The following PRELID2 variants were observed in gnomAD, a reference collection of about 807,000 sequenced individuals.
PRELID2 encodes PRELI domain-containing protein 2.
Under a neutral mutation model 28.4 loss-of-function variants are expected in PRELID2, and 25 were observed. That is an observed-to-expected ratio of 0.88 (90% CI 0.64 to 1.23). The LOEUF (loss-of-function observed/expected upper bound fraction) is 1.23, where lower values mean the gene tolerates loss of function less well. Among genes scored for constraint, PRELID2 ranks in the 50% most tolerant of loss-of-function variants. The pLI is 0.00. For synonymous variants in PRELID2, 76 were observed against 71.6 expected (o/e 1.06, Z -0.31); for missense variants, 201 against 214.4 (o/e 0.94, Z 0.39).
At chr5:145,628,284 C>T (rs1753880256) in intron 1 of PRELID2, among the ~76,000 whole-genome samples, 1 of 152,062 alleles carries the variant, frequency 6.6e-6, no homozygotes, top group South Asian at 2.1e-4. Flanking sequence ...TTATTGAATG[C>T]TTTCTGGAGA....
At chr5:145,713,368 ATACTT>A (rs1395826966) in intron 1 of PRELID2, among the ~76,000 whole-genome samples, 1 of 143,448 alleles carries the variant, frequency 7.0e-6, no homozygotes, top group East Asian at 2.1e-4. Context: ...ATATATATAT[ATACTT>A]TACATTATAT....
chr5:145,303,727 T>A, the PRELID2 span, among the ~76,000 whole-genome samples: 1 of 152,212 alleles, frequency 6.6e-6, no homozygotes, highest in African/African-American at 2.4e-5. Context: ...TTCCACTGAT[T>A]GCAAAAAGTA....
the PRELID2 span, among the ~76,000 whole-genome samples, chr5:145,313,711 G>A: frequency 1.6e-4 from 24 of 152,118 alleles, no homozygotes; most frequent in Non-Finnish European, 3.1e-4. Context: ...GGTATTCTGA[G>A]GAATGTTTCT....
the PRELID2 span, among the ~76,000 whole-genome samples, chr5:145,401,352 G>A: frequency 2.6e-5 from 4 of 152,014 alleles, no homozygotes; most frequent in East Asian, 5.8e-4. Context: ...AAGAAGGAGA[G>A]TATGGAATTT....
chr5:145,647,777 C>G (rs1561530952), intron 1 of PRELID2, among the ~76,000 whole-genome samples: 1 of 152,120 alleles, frequency 6.6e-6, no homozygotes, highest in Non-Finnish European at 1.5e-5. Flanking sequence ...CATGGCTTCC[C>G]CTGGGTAGGG....
intron 1 of PRELID2, among the ~76,000 whole-genome samples, chr5:145,603,124 C>A (rs953060404): frequency 1.0e-4 from 15 of 150,586 alleles, no homozygotes; most frequent in Admixed American, 1.3e-4. Context: ...GAAGACCTCA[C>A]ATACATGTAA....
chr5:145,440,785 A>G, the PRELID2 span: 18 of 152,066 alleles, frequency 1.2e-4, no homozygotes, highest in African/African-American at 4.3e-4. Context: ...CTGGATCTGT[A>G]TCAATTATGT....
At chr5:145,781,119 A>AAG (rs1751553629) in intron 5 of PRELID2, among the ~76,000 whole-genome samples, 1 of 152,168 alleles carries the variant, frequency 6.6e-6, no homozygotes, top group African/African-American at 2.4e-5. Context: ...GGGTGGCTAC[A>AAG]ACCAAAGGGG....
chr5:145,650,541 T>C (rs1401807325), intron 1 of PRELID2, among the ~76,000 whole-genome samples: 6 of 106,050 alleles, frequency 5.7e-5, no homozygotes, highest in African/African-American at 1.2e-4. Context: ...CATATATATA[T>C]ATATATATAT....
chr5:145,428,531 G>A, the PRELID2 span, among the ~76,000 whole-genome samples: 1 of 152,142 alleles, frequency 6.6e-6, no homozygotes, highest in Admixed American at 6.5e-5. Context: ...GGCTGGAAGG[G>A]CTACGGAGAA....
intron 1 of PRELID2, among the ~76,000 whole-genome samples, chr5:145,689,067 G>GC (rs1755093203): frequency 2.0e-5 from 3 of 152,154 alleles, no homozygotes; most frequent in Admixed American, 2.0e-4. Flanking sequence ...TACTTCAATG[G>GC]CTGGGAAAAC....
chr5:145,327,071 AAAAATCACAGTACTATTCTGCTATTG>A, the PRELID2 span, among the ~76,000 whole-genome samples: 1 of 151,860 alleles, frequency 6.6e-6, no homozygotes, highest in Non-Finnish European at 1.5e-5. Flanking sequence ...CTAAAATCGT[AAAAATCACAGTACTATTCTGCTATTG>A]TTGGAAGAAA....
At chr5:145,277,594 G>T in the PRELID2 span, among the ~76,000 whole-genome samples, 1 of 152,150 alleles carries the variant, frequency 6.6e-6, no homozygotes, top group Non-Finnish European at 1.5e-5. Context: ...ACACTGTCAT[G>T]GATTCCTAGC....
chr5:145,835,072 G>T (rs1470489669), intron 1 of PRELID2, 105 bp downstream of exon 1: 3 of 760,858 alleles, frequency 3.9e-6, no homozygotes, highest in East Asian at 2.8e-5. Context: ...GCCCGCAGCT[G>T]GAAAGAGACA....
At chr5:145,229,896 C>T in the PRELID2 span, 1 of 750,304 alleles carries the variant, frequency 1.3e-6, no homozygotes, top group East Asian at 2.5e-5. Flanking sequence ...GGTGTACATC[C>T]TTGGCTGGGA....
chr5:145,795,959 A>T (rs977308478), intron 5 of PRELID2: 2 of 152,626 alleles, frequency 1.3e-5, no homozygotes, highest in African/African-American at 4.8e-5. Flanking sequence ...TTTGAAAACT[A>T]TAAGAGTGGA....
the PRELID2 span, among the ~76,000 whole-genome samples, chr5:145,425,520 GA>G: frequency 6.6e-6 from 1 of 152,160 alleles, no homozygotes; most frequent in Non-Finnish European, 1.5e-5. Flanking sequence ...GCCCATCAAT[GA>G]TAGACTGAAT....
At chr5:145,370,238 GT>G in the PRELID2 span, among the ~76,000 whole-genome samples, 3 of 151,954 alleles carry the variant, frequency 2.0e-5, no homozygotes, top group Non-Finnish European at 4.4e-5. Flanking sequence ...TCCTTCTAGG[GT>G]TTTTTTAGTT....
At chr5:145,582,100 G>A (rs1003082751) in intron 1 of PRELID2, among the ~76,000 whole-genome samples, 1 of 152,004 alleles carries the variant, frequency 6.6e-6, no homozygotes, top group Admixed American at 6.6e-5. Flanking sequence ...TAAGAACACA[G>A]TCTCTGGGGT....
Sources: allele counts gnomAD v4.1 joint callset (sites outside exome capture counted in the v4.1 genomes callset), GRCh38; gene constraint gnomAD v4.1.1; transcripts MANE v1.5; gene names NCBI Gene and HGNC (gene_info 2026-07-23, HGNC 2026-07-21).